QRFPR: variants seen among roughly 807,000 people sequenced by gnomAD.
The protein encoded by QRFPR is pyroglutamylated RF-amide peptide receptor.
A neutral mutation model predicts 31.3 loss-of-function variants in QRFPR; 37 were observed. The observed-to-expected ratio is 1.18, with a 90% confidence interval of 0.91 to 1.56. QRFPR has a LOEUF of 1.56. Among genes scored for constraint, QRFPR ranks in the 40% most tolerant of loss-of-function variants. The pLI is 0.00. For missense variants in QRFPR, 542 were observed against 532.5 expected, an observed-to-expected ratio of 1.02 and a Z score of -0.18; for synonymous variants, 197 against 192.0, an observed-to-expected ratio of 1.03 and a Z score of -0.22.
chr4:121,357,277 T>C (rs1374898085), intron 1 of QRFPR, among the ~76,000 whole-genome samples: 1 of 151,968 alleles, frequency 6.6e-6, no homozygotes, highest in Non-Finnish European at 1.5e-5. Flanking sequence ...CATATGATAA[T>C]GATAGCATAT....
In QRFPR at chr4:121,329,699, T is replaced by A; in HGVS notation, c.911A>T (p.Glu304Val). The stretch of plus-strand genomic sequence containing the variant: ...CATCTTGATTGTGACATCATCATAT[T>A]CCTTTTCAAAATTACCTGAAATAAA... The part of the protein sequence containing the change: ...MMIEYSNFEK[E>V]YDDVTIKMIF... The change falls in exon 6 of 6, where the codon GAA becomes GTA. Residue 304 changes from glutamate (E) to valine (V), a missense_variant. Transcript: ENST00000394427. The A allele has an allele frequency of 6.5e-7, 1 of 1,534,360 alleles. No individual in the cohort carries two copies. The highest frequency in any genetic ancestry group is 2.3e-5 in the East Asian group (1 of 44,042).
At chr4:121,378,243 T>G (rs531588895) in intron 1 of QRFPR, among the ~76,000 whole-genome samples, 1 of 152,124 alleles carries the variant, frequency 6.6e-6, no homozygotes, top group South Asian at 2.1e-4. Context: ...ATTTAGAAGC[T>G]AAAGTGAAAT....
chr4:121,341,691 G>T (rs1014899229), intron 1 of QRFPR, among the ~76,000 whole-genome samples: 10 of 152,132 alleles, frequency 6.6e-5, no homozygotes, highest in African/African-American at 1.9e-4. Flanking sequence ...AAGCATAAAT[G>T]AATTTCATGT....
At chr4:121,348,698 A>C (rs991657619) in intron 1 of QRFPR, among the ~76,000 whole-genome samples, 2 of 152,214 alleles carry the variant, frequency 1.3e-5, no homozygotes, top group African/African-American at 4.8e-5. Flanking sequence ...TAAATTCAAC[A>C]TCATCTGCCT....
intron 1 of QRFPR, among the ~76,000 whole-genome samples, chr4:121,376,086 A>C (rs1024674205): frequency 6.6e-6 from 1 of 152,250 alleles, no homozygotes; most frequent in Non-Finnish European, 1.5e-5. Flanking sequence ...TCTGCAGTCT[A>C]GCCCAGTAAA....
chr4:121,363,861 T>C (rs1196912569), intron 1 of QRFPR, among the ~76,000 whole-genome samples: 1 of 149,694 alleles, frequency 6.7e-6, no homozygotes, highest in East Asian at 2.0e-4. Context: ...AATATCAGGA[T>C]GGGATAGTTG....
At chr4:121,361,082 A>G (rs1487917345) in intron 1 of QRFPR, among the ~76,000 whole-genome samples, 1 of 151,662 alleles carries the variant, frequency 6.6e-6, no homozygotes, top group Non-Finnish European at 1.5e-5. Flanking sequence ...TTACAATAAT[A>G]TCTCACAGAT....
chr4:121,370,045 G>T, intron 1 of QRFPR: 1 of 772,894 alleles, frequency 1.3e-6, no homozygotes. Flanking sequence ...GACATGGGTA[G>T]CTTTAGCCTT....
chr4:121,373,990 C>CTGTT (rs1353562801), intron 1 of QRFPR, among the ~76,000 whole-genome samples: 1 of 152,202 alleles, frequency 6.6e-6, no homozygotes, highest in Admixed American at 6.5e-5. Flanking sequence ...TACTACCATT[C>CTGTT]TGTTACCCGC....
Position 121,328,721 on chromosome 4 carries a change from T to C in QRFPR, c.*593A>G, listed in dbSNP as rs1725261169. On this transcript the variant is annotated 3_prime_UTR_variant, in exon 6 of 6. Coordinates refer to ENST00000394427, the MANE Select transcript of QRFPR (RefSeq NM_198179.3). ...CTGTACAAGATTTTTAAAAATCCAC[T>C]GAAATAATCTTAAAAGTATGGTTTA... Among the ~76,000 whole-genome samples the C allele has an allele frequency of 6.6e-6, 1 of 152,220 alleles. No homozygotes were observed. The highest frequency in any genetic ancestry group is 6.5e-5 in the Admixed American group (1 of 15,286).
In QRFPR at chr4:121,376,182, C is replaced by G. The variant is rs1448801283; in HGVS notation, c.340+4126G>C. 1.1e-4 allele frequency among the ~76,000 whole-genome samples: 17 copies of G among 152,150 alleles called. 1 individual carries two copies. ...ACCCTCATATGAGTAACAAAAAACT[C>G]ATAAACATGTGCCATTTATAATATT... On this transcript the variant is annotated intron_variant, in intron 1 of 5. Coordinates refer to ENST00000394427, the MANE Select transcript of QRFPR (RefSeq NM_198179.3).
Position 121,347,056 on chromosome 4 carries a change from T to G in QRFPR, c.341-6446A>C, listed in dbSNP as rs533349450. 1.6e-3 allele frequency among the ~76,000 whole-genome samples: 246 copies of G among 152,334 alleles called. 2 individuals carry two copies. Among genetic ancestry groups the G allele is most frequent in the South Asian group, 9.5e-3 (46 of 4,830 alleles). On this transcript the variant is annotated intron_variant, in intron 1 of 5. Coordinates refer to ENST00000394427, the MANE Select transcript of QRFPR (RefSeq NM_198179.3). Reference sequence around the variant, plus strand: ...GCCTCATAAAGTAAGTTGGGAACTATTTCTTCCAATTCTGTTTTCTGGAAG... The same window carrying G: ...GCCTCATAAAGTAAGTTGGGAACTAGTTCTTCCAATTCTGTTTTCTGGAAG...
At chr4:121,376,282 G>A (rs1726351264) in intron 1 of QRFPR, among the ~76,000 whole-genome samples, 1 of 152,186 alleles carries the variant, frequency 6.6e-6, no homozygotes, top group Admixed American at 6.5e-5. Flanking sequence ...GAGTCAACTG[G>A]TAGATCAAAG....
intron 1 of QRFPR, among the ~76,000 whole-genome samples, chr4:121,370,703 AT>A (rs1186848493): frequency 6.6e-6 from 1 of 152,168 alleles, no homozygotes; most frequent in Non-Finnish European, 1.5e-5. Context: ...CCCACAGGAA[AT>A]TTTTTTAAAA....
At position 121,340,560 on chromosome 4, in the gene QRFPR, T is replaced by C. The variant is rs1175528609; in HGVS notation, c.391A>G (p.Thr131Ala). 2.5e-6 allele frequency: 4 copies of C among 1,614,046 alleles called. No individual in the cohort carries two copies. The highest frequency in any genetic ancestry group is 3.4e-6 in the Non-Finnish European group (4 of 1,179,970). Residue 131 changes from threonine to alanine, a missense_variant, in exon 2 of 6, where the codon ACA becomes GCA. By Grantham distance (58) the Thr-to-Ala change is moderately conservative. Coordinates refer to ENST00000394427, the MANE Select transcript of QRFPR (RefSeq NM_198179.3). ...ATGCAGGTCATAGTGAGGATTTCTG[T>C]CACAACAGCGGTAGACTGGACAAAT... ...VPFVQSTAVVTEILTMTCIAV... is the reference protein window; with the variant it reads ...VPFVQSTAVVAEILTMTCIAV...
rs776518040 is a variant in QRFPR, at chr4:121,332,931, C to T, written c.687G>A (p.Val229=). The T allele has an allele frequency of 6.2e-7, 1 of 1,613,940 alleles. No individual in the cohort carries two copies. The highest frequency in any genetic ancestry group is 8.5e-7 in the Non-Finnish European group (1 of 1,179,956). ...LVILFLLPLM[V]MLILYSKIGY... Reference sequence around the variant, plus strand: ...CAATTTTACTGTACAGAATAAGCATCACCATAAGAGGCAGGAGGAAGAGGA... The same window carrying T: ...CAATTTTACTGTACAGAATAAGCATTACCATAAGAGGCAGGAGGAAGAGGA... The change falls in exon 4 of 6, where the codon GTG becomes GTA. Residue 229 remains valine, a synonymous_variant. Transcript: ENST00000394427.
intron 4 of QRFPR, 28 bp downstream of exon 4, chr4:121,332,793 A>G: frequency 6.6e-7 from 1 of 1,518,984 alleles, no homozygotes; most frequent in Non-Finnish European, 9.1e-7. Context: ...AAAATAATTT[A>G]AAGAGGTGAA....
chr4:121,378,488 C>G (rs939516467), intron 1 of QRFPR, among the ~76,000 whole-genome samples: 1 of 147,502 alleles, frequency 6.8e-6, no homozygotes, highest in African/African-American at 2.5e-5. Context: ...TCTCGGCTCA[C>G]TACAACCTCT....
Position 121,364,686 on chromosome 4 carries a change from T to C in QRFPR, c.340+15622A>G, listed in dbSNP as rs928454326. Among the ~76,000 whole-genome samples, 21 of 149,198 alleles carry C rather than the reference T, an allele frequency of 1.4e-4. 2 individuals are homozygous for C. On this transcript the variant is annotated intron_variant, in intron 1 of 5. Coordinates refer to ENST00000394427, the MANE Select transcript of QRFPR (RefSeq NM_198179.3). ...AAGAAAAAGAAAACTTTTTGAAATA[T>C]GTAATTAAAGATTAAAATTATTTTA...
Sources: gnomAD v4.1 joint callset for allele counts (sites outside exome capture counted in the v4.1 genomes callset) on GRCh38, gnomAD v4.1.1 for gene constraint, MANE v1.5 for transcripts, NCBI Gene and HGNC (gene_info 2026-07-23, HGNC 2026-07-21) for gene names.